The following ARL15 variants were observed in gnomAD, a reference collection of about 807,000 sequenced individuals.
ARL15 encodes the protein ARF like GTPase 15.
ARL15 carries 19 observed loss-of-function variants against 25.2 expected under a neutral mutation model. The observed-to-expected ratio is 0.75, with a 90% confidence interval of 0.53 to 1.10. The LOEUF (loss-of-function observed/expected upper bound fraction) is 1.10. Among genes scored for constraint, ARL15 ranks in the 50% least tolerant of loss-of-function variants. ARL15 has a pLI of 0.00. For missense variants in ARL15, 220 were observed against 246.0 expected (o/e 0.89, Z 0.71); for synonymous variants, 94 against 86.8 (o/e 1.08, Z -0.46).
At chr5:54,022,336 T>A (rs758589253) in intron 4 of ARL15, among the ~76,000 whole-genome samples, 9 of 151,770 alleles carry the variant, frequency 5.9e-5, no homozygotes, top group Non-Finnish European at 8.8e-5. Context: ...CCTCCTCCAG[T>A]CCCCTGCTGC....
intron 4 of ARL15, among the ~76,000 whole-genome samples, chr5:54,087,934 G>A (rs192651411): frequency 6.3e-4 from 96 of 152,200 alleles, no homozygotes; most frequent in African/African-American, 2.2e-3. Flanking sequence ...CCTTGGCCTC[G>A]CAAAGTGCTG....
chr5:53,962,916 T>G (rs1308464289), intron 4 of ARL15, among the ~76,000 whole-genome samples: 2 of 152,170 alleles, frequency 1.3e-5, no homozygotes, highest in African/African-American at 4.8e-5. Context: ...CTTCTTTCTT[T>G]ACAAGTTATG....
chr5:54,280,375 C>G (rs542928189), intron 1 of ARL15, among the ~76,000 whole-genome samples: 2 of 152,268 alleles, frequency 1.3e-5, no homozygotes, highest in South Asian at 4.1e-4. Flanking sequence ...GTTCATCTAA[C>G]CGGGGACAAA....
At chr5:54,119,015 C>A (rs890871475) in intron 3 of ARL15, among the ~76,000 whole-genome samples, 2 of 152,152 alleles carry the variant, frequency 1.3e-5, no homozygotes, top group Non-Finnish European at 2.9e-5. Context: ...CAATTCCTAA[C>A]AATTGCATTG....
intron 4 of ARL15, among the ~76,000 whole-genome samples, chr5:53,956,556 A>G (rs1225277894): frequency 6.6e-6 from 1 of 151,830 alleles, no homozygotes; most frequent in Admixed American, 6.5e-5. Context: ...CTAAACTTAC[A>G]GATAAAGACT....
intron 1 of ARL15, among the ~76,000 whole-genome samples, chr5:54,188,441 T>C (rs2112450270): frequency 6.6e-6 from 1 of 152,286 alleles, no homozygotes; most frequent in South Asian, 2.1e-4. Context: ...CCATGGCTCT[T>C]CACAAGCAAG....
At chr5:54,171,320 A>G (rs1254986547) in intron 2 of ARL15, among the ~76,000 whole-genome samples, 1 of 152,184 alleles carries the variant, frequency 6.6e-6, no homozygotes, top group Non-Finnish European at 1.5e-5. Context: ...AGGAAGCAAT[A>G]GGGGAAGGCT....
chr5:53,926,719 C>T (rs759344389), intron 4 of ARL15, among the ~76,000 whole-genome samples: 1 of 152,132 alleles, frequency 6.6e-6, no homozygotes, highest in Admixed American at 6.5e-5. Flanking sequence ...CCCAGCTTCA[C>T]GAGAATGATT....
chr5:53,970,815 T>A (rs1747727819), intron 4 of ARL15, among the ~76,000 whole-genome samples: 1 of 152,192 alleles, frequency 6.6e-6, no homozygotes, highest in African/African-American at 2.4e-5. Flanking sequence ...AGACAAGGGA[T>A]TAATTGGAAT....
At chr5:54,001,575 A>G (rs1748850597) in intron 4 of ARL15, among the ~76,000 whole-genome samples, 1 of 152,200 alleles carries the variant, frequency 6.6e-6, no homozygotes, top group Non-Finnish European at 1.5e-5. Flanking sequence ...TACAACAATG[A>G]TAAGTGTATT....
At chr5:53,891,806 C>T (rs1248941295) in intron 4 of ARL15, among the ~76,000 whole-genome samples, 1 of 152,154 alleles carries the variant, frequency 6.6e-6, no homozygotes, top group East Asian at 1.9e-4. Flanking sequence ...GTTGGCTTCC[C>T]ATAACTTCAT....
At chr5:54,013,115 A>G (rs1041448210) in intron 4 of ARL15, among the ~76,000 whole-genome samples, 7 of 152,080 alleles carry the variant, frequency 4.6e-5, no homozygotes, top group African/African-American at 1.7e-4. Context: ...TCTTTTTCCT[A>G]CTTTCTTTTA....
intron 4 of ARL15, among the ~76,000 whole-genome samples, chr5:54,107,082 G>A (rs1394060634): frequency 6.6e-6 from 1 of 152,094 alleles, no homozygotes; most frequent in Non-Finnish European, 1.5e-5. Flanking sequence ...AATCACGGTG[G>A]GAGGTGAAAG....
intron 4 of ARL15, among the ~76,000 whole-genome samples, chr5:54,098,184 G>C (rs151163832): frequency 9.9e-5 from 15 of 152,194 alleles, no homozygotes; most frequent in Non-Finnish European, 1.9e-4. Context: ...GCAATTCAAA[G>C]GTAAGTGAAA....
rs539032676 is a variant in ARL15, at chr5:53,902,139, C to T, written c.463-15426G>A. 2.6e-5 allele frequency among the ~76,000 whole-genome samples: 4 copies of T among 152,322 alleles called. No individual in the cohort carries two copies. In the East Asian group the frequency reaches 7.7e-4, roughly 29 times the overall value. ...TCACATTCTCAATTTTCTTAAAAGT[C>T]TACTCTATCTTTTAAAATGAGTTTT... On this transcript the variant is annotated intron_variant, in intron 4 of 4. Coordinates refer to ENST00000504924, the MANE Select transcript of ARL15 (RefSeq NM_019087.3).
chr5:54,240,003 G>T (rs567674442), intron 1 of ARL15, among the ~76,000 whole-genome samples: 1 of 152,184 alleles, frequency 6.6e-6, no homozygotes, highest in Non-Finnish European at 1.5e-5. Context: ...CGAGGCAGGC[G>T]GATCACGAGG....
At chr5:54,020,896 A>C (rs1579707206) in intron 4 of ARL15, among the ~76,000 whole-genome samples, 2 of 152,208 alleles carry the variant, frequency 1.3e-5, no homozygotes, top group African/African-American at 4.8e-5. Context: ...CAGAGGTTGC[A>C]GTGAGCCGAG....
intron 4 of ARL15, among the ~76,000 whole-genome samples, chr5:54,095,139 G>A (rs1752246075): frequency 6.6e-6 from 1 of 152,126 alleles, no homozygotes; most frequent in Admixed American, 6.5e-5. Context: ...GGTCATATGA[G>A]TTGATCTAAA....
At chr5:54,269,281 CTTT>C (rs1192935916) in intron 1 of ARL15, among the ~76,000 whole-genome samples, 2 of 151,976 alleles carry the variant, frequency 1.3e-5, no homozygotes, top group African/African-American at 4.8e-5. Flanking sequence ...CATATATCCT[CTTT>C]TAATTTTTTC....
Sources: gnomAD v4.1 joint callset for allele counts (sites outside exome capture counted in the v4.1 genomes callset) on GRCh38, gnomAD v4.1.1 for gene constraint, MANE v1.5 for transcripts, NCBI Gene and HGNC (gene_info 2026-07-23, HGNC 2026-07-21) for gene names.